Variants in HMOX2 observed in about 807,000 individuals in gnomAD.
HMOX2 encodes the protein heme oxygenase (decycling) 2.
HMOX2 carries 30 observed loss-of-function variants against 33.7 expected under a neutral mutation model. The observed-to-expected ratio is 0.89, with a 90% CI of 0.67 to 1.21. The LOEUF (loss-of-function observed/expected upper bound fraction) is 1.21, where lower values mean the gene tolerates loss of function less well. Ranked by LOEUF, HMOX2 falls within the 50% of genes most tolerant of loss-of-function variation. The pLI is 0.00. For missense variants in HMOX2, 403 were observed against 399.1 expected (o/e 1.01, Z -0.08); for synonymous variants, 155 against 155.0 (o/e 1.00, Z 0.00).
At chr16:4,490,060 AG>A (rs2058268547) in intron 1 of HMOX2, among the ~76,000 whole-genome samples, 1 of 152,232 alleles carries the variant, frequency 6.6e-6, no homozygotes. Context: ...TAGGAGGCCA[AG>A]ATAAATGACC....
At chr16:4,507,314 G>A (rs767350074) in intron 3 of HMOX2, among the ~76,000 whole-genome samples, 11 of 151,948 alleles carry the variant, frequency 7.2e-5, no homozygotes, top group East Asian at 1.9e-4. Context: ...GTGTGGTGGC[G>A]CGTGCCTGTA....
intron 1 of HMOX2, among the ~76,000 whole-genome samples, chr16:4,497,510 G>C (rs570628435): frequency 1.2e-4 from 18 of 152,254 alleles, no homozygotes; most frequent in Admixed American, 5.9e-4. Context: ...GGGAACAGGG[G>C]CGAGTCTTGT....
At chr16:4,485,194 G>C (rs1480286811) in intron 1 of HMOX2, among the ~76,000 whole-genome samples, 2 of 152,078 alleles carry the variant, frequency 1.3e-5, no homozygotes, top group East Asian at 3.9e-4. Flanking sequence ...TCGAACTCCT[G>C]ACCTTAAGTG....
chr16:4,481,480 C>T (rs578242570), intron 1 of HMOX2, among the ~76,000 whole-genome samples: 1 of 152,110 alleles, frequency 6.6e-6, no homozygotes, highest in South Asian at 2.1e-4. Flanking sequence ...AAACACCTGT[C>T]ATTGAGCATA....
At chr16:4,507,474 T>C (rs895794647) in intron 3 of HMOX2, among the ~76,000 whole-genome samples, 5 of 151,838 alleles carry the variant, frequency 3.3e-5, no homozygotes, top group African/African-American at 4.8e-5. Context: ...TTGGTTCTCA[T>C]GGCTTAGATA....
intron 1 of HMOX2, among the ~76,000 whole-genome samples, chr16:4,492,104 G>T (rs1230238634): frequency 1.3e-5 from 2 of 152,222 alleles, no homozygotes; most frequent in African/African-American, 4.8e-5. Context: ...AACAATGGGA[G>T]GGTGATAGGA....
intron 1 of HMOX2, among the ~76,000 whole-genome samples, chr16:4,491,059 C>T (rs752867717): frequency 6.6e-6 from 1 of 152,206 alleles, no homozygotes; most frequent in Admixed American, 6.5e-5. Context: ...AACATTTCCA[C>T]GTCTCCAAAC....
At chr16:4,487,171 A>T (rs2058189326) in intron 1 of HMOX2, among the ~76,000 whole-genome samples, 1 of 152,148 alleles carries the variant, frequency 6.6e-6, no homozygotes, top group Non-Finnish European at 1.5e-5. Context: ...AGTTGGAAGT[A>T]TCACCTGAGC....
At chr16:4,503,107 G>A (rs2058600097) in intron 1 of HMOX2, 1 of 151,824 alleles carries the variant, frequency 6.6e-6, no homozygotes, top group Non-Finnish European at 1.5e-5. Context: ...GAGCCACCGC[G>A]CCCGGCTAGC....
intron 1 of HMOX2, among the ~76,000 whole-genome samples, chr16:4,502,428 G>A (rs2141593434): frequency 6.6e-6 from 1 of 152,326 alleles, no homozygotes; most frequent in Middle Eastern, 3.4e-3. Context: ...CTGGGCCATG[G>A]ATGGCACTTG....
Position 4,509,962 on chromosome 16 carries a change from C to T in HMOX2, c.*206C>T, listed in dbSNP as rs562251118. 1 of 616,306 alleles carries T rather than the reference C, an allele frequency of 1.6e-6. No homozygotes were observed. 38.2% of individuals were successfully genotyped at this position (616,306 alleles called of 1,614,324 possible). A position where few individuals can be genotyped will look rare whatever the true frequency, so the allele number is the denominator to read the frequency against. On this transcript the variant is annotated 3_prime_UTR_variant, in exon 6 of 6. Transcript: ENST00000570646. ...ATTCCGCACTGGGCACAGGCCGTCACCCTGGGAGCAGTCGGCACAGTGCAG... is the reference window on the plus strand; with the variant it reads ...ATTCCGCACTGGGCACAGGCCGTCATCCTGGGAGCAGTCGGCACAGTGCAG...
intron 1 of HMOX2, among the ~76,000 whole-genome samples, chr16:4,493,037 C>CT (rs887817306): frequency 5.9e-5 from 9 of 151,960 alleles, no homozygotes; most frequent in Non-Finnish European, 7.4e-5. Context: ...TCTTTTTCCT[C>CT]TTTTTTTGAG....
chr16:4,485,208 C>A (rs1174967007), intron 1 of HMOX2, among the ~76,000 whole-genome samples: 2 of 152,096 alleles, frequency 1.3e-5, no homozygotes, highest in Admixed American at 1.3e-4. Context: ...TTAAGTGATT[C>A]ACCCACCTCC....
intron 1 of HMOX2, among the ~76,000 whole-genome samples, chr16:4,479,981 C>T (rs1435278073): frequency 2.0e-5 from 3 of 151,644 alleles, no homozygotes; most frequent in Non-Finnish European, 2.9e-5. Flanking sequence ...TCAGGTGATC[C>T]GTCCACCTTG....
chr16:4,482,615 G>A (rs1200602367), intron 1 of HMOX2, among the ~76,000 whole-genome samples: 1 of 152,172 alleles, frequency 6.6e-6, no homozygotes, highest in African/African-American at 2.4e-5. Flanking sequence ...TGACCTACTA[G>A]CTATAAATCG....
Position 4,506,982 on chromosome 16 carries a change from G to A in HMOX2, c.174G>A (p.Leu58=), listed in dbSNP as rs1487379299. 2 of 1,612,748 alleles carry A rather than the reference G, an allele frequency of 1.2e-6. No homozygotes were observed. Among genetic ancestry groups the A allele is most frequent in the Non-Finnish European group, 1.7e-6 (2 of 1,178,706 alleles). The change falls in exon 3 of 6, where the codon TTG becomes TTA. Residue 58 remains leucine (L), a synonymous_variant. Transcript: ENST00000570646. ...ACACCCAGTTTGTCAAGGACTTCTT[G>A]AAAGGCAACATTAAGAAGGAGCTGT... ...AENTQFVKDF[L]KGNIKKELFK... is the part of the protein sequence containing the mutation.
At chr16:4,506,755 G>C (rs557529698) in intron 2 of HMOX2, 140 bp from the exon 3 acceptor site, 2 of 672,168 alleles carry the variant, frequency 3.0e-6, no homozygotes, top group South Asian at 1.8e-5. Flanking sequence ...ATTTGTGTTG[G>C]AGTGAAGTGT....
intron 1 of HMOX2, among the ~76,000 whole-genome samples, chr16:4,484,583 C>G (rs2058119844): frequency 6.6e-6 from 1 of 151,412 alleles, no homozygotes; most frequent in South Asian, 2.1e-4. Flanking sequence ...GCCTCAGCCT[C>G]CCGAGTAGCT....
At chr16:4,494,381 G>A (rs1256133149) in intron 1 of HMOX2, among the ~76,000 whole-genome samples, 1 of 151,952 alleles carries the variant, frequency 6.6e-6, no homozygotes, top group African/African-American at 2.4e-5. Context: ...GGTAATGCAT[G>A]GTGATCTGTT....
Sources: gnomAD v4.1 joint callset for allele counts (sites outside exome capture counted in the v4.1 genomes callset) on GRCh38, gnomAD v4.1.1 for gene constraint, MANE v1.5 for transcripts, NCBI Gene and HGNC (gene_info 2026-07-23, HGNC 2026-07-21) for gene names.